The following MEF2C variants were observed in gnomAD, a reference collection of about 807,000 sequenced individuals.
The protein encoded by MEF2C is myocyte-specific enhancer factor 2C.
A neutral mutation model predicts 50.5 loss-of-function variants in MEF2C; 6 were observed. The ratio of observed to expected loss-of-function variants is 0.12; its 90% CI spans 0.07 to 0.23. The LOEUF is 0.23. MEF2C is among the 10% of genes least tolerant of loss of function. The pLI is 1.00. For synonymous variants in MEF2C, 183 were observed against 228.0 expected (o/e 0.80, Z 1.78); for missense variants, 276 against 605.0 (o/e 0.46, Z 5.70).
At chr5:88,783,480 A>G (rs983877540) in intron 3 of MEF2C, among the ~76,000 whole-genome samples, 1 of 151,900 alleles carries the variant, frequency 6.6e-6, no homozygotes, top group Admixed American at 6.6e-5. Flanking sequence ...AATACAAAAA[A>G]AATTTAGCTG....
At chr5:88,879,556 A>G (rs1249354694) in intron 1 of MEF2C, among the ~76,000 whole-genome samples, 1 of 152,000 alleles carries the variant, frequency 6.6e-6, no homozygotes, top group Non-Finnish European at 1.5e-5. Flanking sequence ...ACATGAGTGT[A>G]TGTTTTATTT....
At position 88,812,440 on chromosome 5, in the gene MEF2C, TA is replaced by T. The variant is rs1355817310; in HGVS notation, c.55-7640del. Among the ~76,000 whole-genome samples, 20 of 152,304 alleles carry T rather than the reference TA, an allele frequency of 1.3e-4. 1 individual carries two copies. Among genetic ancestry groups the T allele is most frequent in the Admixed American group, 6.5e-4 (10 of 15,286 alleles). On this transcript the variant is annotated intron_variant, in intron 2 of 10. Transcript: ENST00000504921. ...GAAATTTCACATACTTGTTTTATTT[TA>T]TTTTTTTGTCATTTTAACTTACAGT...
Position 88,730,248 on chromosome 5 carries a change from G to A in MEF2C, c.811-14C>T, listed in dbSNP as rs1760872436. 1.3e-6 allele frequency: 2 copies of A among 1,570,724 alleles called. No individual in the cohort carries two copies. The highest frequency in any genetic ancestry group is 1.3e-5 in the African/African-American group (1 of 74,076). On this transcript the variant is annotated splice_polypyrimidine_tract_variant and intron_variant, in intron 7 of 10. Coordinates refer to ENST00000504921, the MANE Select transcript of MEF2C (RefSeq NM_002397.5). ...GACATCCTCAGACTGAGAGCATGCG[G>A]AAGGAGTTTTATTAATTAGTGTCCG...
At chr5:88,739,412 A>C in intron 6 of MEF2C, 1 of 963,758 alleles carries the variant, frequency 1.0e-6, no homozygotes, top group Non-Finnish European at 1.2e-6. Context: ...TCACATACAT[A>C]ATAATGCTCA....
At chr5:88,891,461 G>A (rs1034462063) in intron 1 of MEF2C, among the ~76,000 whole-genome samples, 5 of 146,798 alleles carry the variant, frequency 3.4e-5, no homozygotes, top group African/African-American at 1.0e-4. Context: ...GCAGTGGTGC[G>A]ATCTTGGCTC....
intron 10 of MEF2C, among the ~76,000 whole-genome samples, chr5:88,724,123 C>G (rs965262999): frequency 7.9e-5 from 12 of 152,064 alleles, no homozygotes; most frequent in African/African-American, 2.9e-4. Flanking sequence ...GAGGAAGAAT[C>G]CAAGTGAAGA....
rs114378042 is a variant in MEF2C at position 88,837,101 on chromosome 5, A to G, written c.-142-13171T>C. ...ACTTTTCATATTCTTCTACATGCTG[A>G]ATGTCATAATCTGGACTATTTCCCA... On this transcript the variant is annotated intron_variant, in intron 1 of 10. Transcript: ENST00000504921. 9.1e-3 allele frequency among the ~76,000 whole-genome samples: 1,384 copies of G among 151,860 alleles called. 16 individuals carry two copies. Among genetic ancestry groups the G allele is most frequent in the African/African-American group, 0.032 (1,328 of 41,434 alleles).
chr5:88,864,767 ATTT>A (rs397881979), intron 1 of MEF2C, among the ~76,000 whole-genome samples: 4 of 139,034 alleles, frequency 2.9e-5, no homozygotes, highest in Admixed American at 7.3e-5. Flanking sequence ...GTTTTTTCAA[ATTT>A]TTTTTTTTTT....
At chr5:88,816,377 A>G (rs1358392545) in intron 2 of MEF2C, among the ~76,000 whole-genome samples, 1 of 151,456 alleles carries the variant, frequency 6.6e-6, no homozygotes, top group Non-Finnish European at 1.5e-5. Context: ...TTATTTGTGA[A>G]TTCTTTTCAA....
chr5:88,727,701 T>G (rs1317618085), intron 10 of MEF2C, among the ~76,000 whole-genome samples: 1 of 152,174 alleles, frequency 6.6e-6, no homozygotes, highest in South Asian at 2.1e-4. Context: ...GTATTTTCTT[T>G]TGAAGATTAA....
chr5:88,722,965 C>T, intron 10 of MEF2C, 40 bp from the exon 11 acceptor site: 1 of 1,486,334 alleles, frequency 6.7e-7, no homozygotes, highest in Non-Finnish European at 9.1e-7. Context: ...ATGAAGGAGG[C>T]CTGGAGGCCC....
At chr5:88,841,260 T>C (rs980965708) in intron 1 of MEF2C, among the ~76,000 whole-genome samples, 1 of 152,078 alleles carries the variant, frequency 6.6e-6, no homozygotes, top group Admixed American at 6.6e-5. Context: ...CTGCACTCCC[T>C]GAACTTTGGG....
At chr5:88,794,841 A>G (rs926356274) in intron 3 of MEF2C, among the ~76,000 whole-genome samples, 1 of 152,166 alleles carries the variant, frequency 6.6e-6, no homozygotes, top group Non-Finnish European at 1.5e-5. Flanking sequence ...GAAGGGGTCC[A>G]GTTTCAGCTT....
intron 6 of MEF2C, chr5:88,742,274 T>A (rs1767185468): frequency 2.0e-6 from 2 of 985,214 alleles, no homozygotes; most frequent in African/African-American, 3.5e-5. Context: ...CCAAATAAAA[T>A]CTTATCATGA....
chr5:88,745,268 A>G (rs1768852360), intron 6 of MEF2C, among the ~76,000 whole-genome samples: 1 of 152,224 alleles, frequency 6.6e-6, no homozygotes. Flanking sequence ...ATGTGCCCAG[A>G]TGTTGCAATC....
chr5:88,852,599 G>A (rs916560744), intron 1 of MEF2C, among the ~76,000 whole-genome samples: 3 of 152,154 alleles, frequency 2.0e-5, no homozygotes, highest in African/African-American at 4.8e-5. Context: ...AGCTGGGCAC[G>A]GTGGCTCACG....
At chr5:88,768,269 C>T (rs1780877638) in intron 3 of MEF2C, among the ~76,000 whole-genome samples, 1 of 152,188 alleles carries the variant, frequency 6.6e-6, no homozygotes, top group Non-Finnish European at 1.5e-5. Context: ...AGAGAGCAGT[C>T]TGACCTACTG....
At chr5:88,751,603 G>A (rs1772774718) in intron 5 of MEF2C, 1 of 897,496 alleles carries the variant, frequency 1.1e-6, no homozygotes, top group African/African-American at 1.8e-5. Context: ...GAGAGTATGT[G>A]GTTAAAATAT....
rs893848824 is a variant in MEF2C, at chr5:88,741,529, G to A, written c.637+7541C>T. On this transcript the variant is annotated intron_variant, in intron 6 of 10. Transcript: ENST00000504921. The stretch of plus-strand genomic sequence containing the variant: ...CAAAAATTTTGGTCCATGGTTTTAC[G>A]GTTTTCACTGAGTTGCTTAATATTA... 36 of 985,150 alleles carry A rather than the reference G, an allele frequency of 3.7e-5. No individual in the cohort carries two copies. In the African/African-American group the frequency reaches 5.4e-4, roughly 15 times the overall value. The allele number at this position is 985,150 out of a possible 1,614,324, so 61.0% of individuals were successfully genotyped here.
Sources: gnomAD v4.1 joint callset for allele counts (sites outside exome capture counted in the v4.1 genomes callset) on GRCh38, gnomAD v4.1.1 for gene constraint, MANE v1.5 for transcripts, NCBI Gene and HGNC (gene_info 2026-07-23, HGNC 2026-07-21) for gene names.